SLC24A3: variants seen among roughly 807,000 people sequenced by gnomAD.
SLC24A3 encodes the protein sodium/potassium/calcium exchanger 3.
SLC24A3 carries 28 observed loss-of-function variants against 75.8 expected under a neutral mutation model. The ratio of observed to expected loss-of-function variants is 0.37; its 90% CI spans 0.27 to 0.51. SLC24A3 has a LOEUF of 0.51. SLC24A3 is among the 20% of genes least tolerant of loss of function. The probability of loss-of-function intolerance (pLI) is 0.94; values close to 1 mark genes in which losing one functional copy is unlikely to be tolerated. For synonymous variants in SLC24A3, 372 were observed against 334.1 expected (o/e 1.11, Z -1.24); for missense variants, 663 against 847.8 (o/e 0.78, Z 2.71).
chr20:19,432,309 A>G (rs1362033757), intron 2 of SLC24A3, among the ~76,000 whole-genome samples: 2 of 148,308 alleles, frequency 1.3e-5, no homozygotes, highest in Admixed American at 6.7e-5. Context: ...TATATATATA[A>G]TCTTAATAAT....
At position 19,455,851 on chromosome 20, in the gene SLC24A3, A is replaced by G. The variant is rs138543987; in HGVS notation, c.272-59637A>G. Among the ~76,000 whole-genome samples the G allele has an allele frequency of 3.7e-3, 557 of 152,332 alleles. 5 individuals carry two copies. The highest frequency in any genetic ancestry group is 3.8e-3 in the Non-Finnish European group (261 of 68,026). On this transcript the variant is annotated intron_variant, in intron 2 of 16. Coordinates refer to ENST00000328041, the MANE Select transcript of SLC24A3 (RefSeq NM_020689.4). ...AGATGGAGGCTAAATAATTAGAACT[A>G]CTTGGTTGAGAGGCTAAAATTATAA...
intron 3 of SLC24A3, among the ~76,000 whole-genome samples, chr20:19,523,138 C>T (rs1283437198): frequency 6.6e-6 from 1 of 152,124 alleles, no homozygotes; most frequent in Non-Finnish European, 1.5e-5. Context: ...CATTTCTATA[C>T]ACTAAAAACA....
intron 15 of SLC24A3, among the ~76,000 whole-genome samples, chr20:19,709,557 A>G (rs2032967972): frequency 6.6e-6 from 1 of 152,000 alleles, no homozygotes. Context: ...AGGAGGTGGA[A>G]GTCGCAGTGA....
At chr20:19,608,745 G>A (rs1265289398) in intron 6 of SLC24A3, among the ~76,000 whole-genome samples, 2 of 152,168 alleles carry the variant, frequency 1.3e-5, no homozygotes, top group Non-Finnish European at 2.9e-5. Flanking sequence ...CACTGCTGTT[G>A]GCAGGTTGCA....
intron 15 of SLC24A3, among the ~76,000 whole-genome samples, chr20:19,704,802 G>T (rs548417735): frequency 3.5e-4 from 54 of 152,250 alleles, no homozygotes; most frequent in African/African-American, 1.3e-3. Flanking sequence ...AGACATGCTG[G>T]GCAGAGGTAG....
intron 3 of SLC24A3, among the ~76,000 whole-genome samples, chr20:19,545,740 G>A (rs1255101043): frequency 6.6e-6 from 1 of 152,168 alleles, no homozygotes; most frequent in Non-Finnish European, 1.5e-5. Context: ...ACCTTTTCAG[G>A]TTCCCAGAGG....
Position 19,693,259 on chromosome 20 carries a change from C to T in SLC24A3, c.1325C>T (p.Ser442Leu), listed in dbSNP as rs751279859. ...EGPYTPFDTP[S>L]GKLETVKWAF... ...TTTTTGGCCTTTTTCATTTTTCCAG[C>T]GGGTAAACTGGAAACAGTGAAATGG... The change falls in exon 13 of 17, where the codon TCG (serine) becomes TTG (leucine). Residue 442 changes from serine (S) to leucine (L), a missense_variant and splice_region_variant. Transcript: ENST00000328041. 2.0e-5 allele frequency: 32 copies of T among 1,589,790 alleles called. No individual in the cohort carries two copies. The highest frequency in any genetic ancestry group is 4.6e-5 in the South Asian group (4 of 86,546).
intron 1 of SLC24A3, among the ~76,000 whole-genome samples, chr20:19,226,584 A>G (rs1981877038): frequency 6.6e-6 from 1 of 152,110 alleles, no homozygotes; most frequent in African/African-American, 2.4e-5. Context: ...TAATCACAGT[A>G]TTTTTCTTCA....
intron 2 of SLC24A3, among the ~76,000 whole-genome samples, chr20:19,402,214 A>G (rs527686571): frequency 9.2e-5 from 14 of 152,342 alleles, no homozygotes; most frequent in South Asian, 8.3e-4. Flanking sequence ...AAATGATCAC[A>G]AAATAATCAA....
intron 7 of SLC24A3, among the ~76,000 whole-genome samples, chr20:19,658,116 G>C (rs1402002724): frequency 3.3e-5 from 5 of 152,200 alleles, no homozygotes; most frequent in African/African-American, 4.8e-5. Context: ...AGCAGGACCA[G>C]ATGCTGTTCT....
chr20:19,651,860 C>CAAA (rs11473740), intron 6 of SLC24A3, among the ~76,000 whole-genome samples: 34,428 of 119,534 alleles, frequency 0.29, 5,896 homozygotes, highest in Non-Finnish European at 0.41. Context: ...GACTCCATCT[C>CAAA]AAAAAAAAAA....
intron 6 of SLC24A3, among the ~76,000 whole-genome samples, chr20:19,636,924 G>A (rs1369276300): frequency 6.6e-6 from 1 of 152,066 alleles, no homozygotes; most frequent in Admixed American, 6.5e-5. Flanking sequence ...GCTTCACAGG[G>A]ATATTGAAGC....
chr20:19,669,394 C>A (rs958912956), intron 8 of SLC24A3, among the ~76,000 whole-genome samples: 1 of 151,638 alleles, frequency 6.6e-6, no homozygotes, highest in African/African-American at 2.4e-5. Context: ...CCCGGCTGCT[C>A]GGGAGGCTGA....
chr20:19,600,459 T>C (rs1015960044), intron 6 of SLC24A3, among the ~76,000 whole-genome samples: 14 of 152,182 alleles, frequency 9.2e-5, no homozygotes, highest in Non-Finnish European at 2.1e-4. Context: ...AATAAAAGAA[T>C]TGTGCACATC....
In SLC24A3 at chr20:19,651,817, C is replaced by T. The variant is rs372135253; in HGVS notation, c.613-2245C>T. On this transcript the variant is annotated intron_variant, in intron 6 of 16. Coordinates refer to ENST00000328041, the MANE Select transcript of SLC24A3 (RefSeq NM_020689.4). The stretch of plus-strand genomic sequence containing the variant: ...CAGAGCTTGCAGTGAGCCAAGATCA[C>T]GCCACTGCACTCCAGCCTGGGTGAC... Among the ~76,000 whole-genome samples, 14 of 149,366 alleles carry T rather than the reference C, an allele frequency of 9.4e-5. 1 individual carries two copies. The highest frequency in any genetic ancestry group is 2.0e-4 in the East Asian group (1 of 5,040).
intron 2 of SLC24A3, among the ~76,000 whole-genome samples, chr20:19,426,893 G>A (rs1341482936): frequency 6.6e-6 from 1 of 151,166 alleles, no homozygotes; most frequent in Non-Finnish European, 1.5e-5. Flanking sequence ...CTTGGCCCTT[G>A]ATTGGACATG....
rs976707444 is a variant in SLC24A3 at position 19,475,695 on chromosome 20, A to G, written c.272-39793A>G. Among the ~76,000 whole-genome samples, 7 of 152,334 alleles carry G rather than the reference A, an allele frequency of 4.6e-5. 1 individual carries two copies. The highest frequency in any genetic ancestry group is 1.3e-4 in the Admixed American group (2 of 15,302). On this transcript the variant is annotated intron_variant, in intron 2 of 16. Coordinates refer to ENST00000328041, the MANE Select transcript of SLC24A3 (RefSeq NM_020689.4). ...AATCTTGCACAACCTATATAAAGAA[A>G]ACTATTTTAATTAGTATGTGTTCTT...
chr20:19,320,741 A>C (rs1984688725), intron 2 of SLC24A3, among the ~76,000 whole-genome samples: 1 of 152,064 alleles, frequency 6.6e-6, no homozygotes, highest in Non-Finnish European at 1.5e-5. Flanking sequence ...TCATCTCCAG[A>C]TTAATTGTAA....
chr20:19,595,423 G>C (rs1270656980), intron 6 of SLC24A3, among the ~76,000 whole-genome samples: 1 of 152,094 alleles, frequency 6.6e-6, no homozygotes, highest in Admixed American at 6.5e-5. Context: ...GAGTTCACAG[G>C]GCCCTTCAGC....
Sources: allele counts gnomAD v4.1 joint callset (sites outside exome capture counted in the v4.1 genomes callset), GRCh38; gene constraint gnomAD v4.1.1; transcripts MANE v1.5; gene names NCBI Gene and HGNC (gene_info 2026-07-23, HGNC 2026-07-21).